Variants in ACOXL observed in about 807,000 individuals in gnomAD.
ACOXL encodes the protein acyl-CoA oxidase like, also known as acyl-coenzyme A oxidase-like protein.
In ACOXL, 70 loss-of-function variants were observed where a neutral mutation model predicts 71.9. The ratio of observed to expected loss-of-function variants is 0.97; its 90% CI spans 0.80 to 1.19. ACOXL has a LOEUF of 1.19. ACOXL is among the 50% of genes most tolerant of loss of function. The pLI is 0.00. For synonymous variants in ACOXL, 253 were observed against 281.6 expected, an observed-to-expected ratio of 0.90 and a Z score of 1.02; for missense variants, 703 against 736.3, an observed-to-expected ratio of 0.95 and a Z score of 0.52.
At chr2:110,982,248 C>T (rs549165409) in intron 12 of ACOXL, among the ~76,000 whole-genome samples, 4 of 152,226 alleles carry the variant, frequency 2.6e-5, no homozygotes, top group East Asian at 1.9e-4. Context: ...CTCCACCTCC[C>T]GGGTTCAAGT....
At chr2:111,039,698 C>T (rs1237045180) in intron 15 of ACOXL, among the ~76,000 whole-genome samples, 2 of 152,298 alleles carry the variant, frequency 1.3e-5, no homozygotes, top group Non-Finnish European at 1.5e-5. Flanking sequence ...CTCAGAAGTT[C>T]TCCCTTCATT....
At chr2:110,838,403 C>T (rs1465678288) in intron 9 of ACOXL, among the ~76,000 whole-genome samples, 3 of 152,170 alleles carry the variant, frequency 2.0e-5, no homozygotes, top group African/African-American at 4.8e-5. Context: ...TTGCTTAAAG[C>T]GTTTCTGAGT....
At chr2:111,056,990 C>A (rs1028592926) in intron 16 of ACOXL, among the ~76,000 whole-genome samples, 2 of 152,102 alleles carry the variant, frequency 1.3e-5, no homozygotes, top group Non-Finnish European at 2.9e-5. Context: ...CCTCAGGTAG[C>A]TCCTTGACAA....
chr2:110,892,835 A>T (rs2149156289), intron 10 of ACOXL, among the ~76,000 whole-genome samples: 1 of 152,326 alleles, frequency 6.6e-6, no homozygotes, highest in Non-Finnish European at 1.5e-5. Flanking sequence ...AGGAAGATCA[A>T]GGGAATTGTC....
At chr2:111,079,378 A>G (rs2067775994) in intron 16 of ACOXL, among the ~76,000 whole-genome samples, 1 of 152,110 alleles carries the variant, frequency 6.6e-6, no homozygotes, top group Admixed American at 6.5e-5. Flanking sequence ...TGTCTGTTCA[A>G]AGTCTTTTGT....
At chr2:111,074,976 C>A (rs2067525930) in intron 16 of ACOXL, among the ~76,000 whole-genome samples, 1 of 152,178 alleles carries the variant, frequency 6.6e-6, no homozygotes, top group Admixed American at 6.6e-5. Flanking sequence ...TATATTGCTG[C>A]ATTCCATTTG....
At chr2:110,961,996 A>G (rs910763673) in intron 12 of ACOXL, among the ~76,000 whole-genome samples, 8 of 152,252 alleles carry the variant, frequency 5.3e-5, no homozygotes, top group African/African-American at 1.9e-4. Context: ...GGGTGGGGAC[A>G]CAGAGCCAAA....
At chr2:110,976,468 G>A (rs1195546815) in intron 12 of ACOXL, among the ~76,000 whole-genome samples, 1 of 152,200 alleles carries the variant, frequency 6.6e-6, no homozygotes, top group Non-Finnish European at 1.5e-5. Context: ...CCAAATTATT[G>A]ATCAAGTATG....
intron 14 of ACOXL, among the ~76,000 whole-genome samples, chr2:110,997,195 C>T (rs939157912): frequency 3.9e-5 from 6 of 152,014 alleles, no homozygotes; most frequent in East Asian, 1.9e-4. Flanking sequence ...AAAGACAAAA[C>T]GATAAGAGAA....
intron 14 of ACOXL, among the ~76,000 whole-genome samples, chr2:111,015,376 G>A (rs955698723): frequency 1.3e-5 from 2 of 152,304 alleles, no homozygotes; most frequent in African/African-American, 4.8e-5. Flanking sequence ...TGCCTAATTT[G>A]TGTTAGTCAT....
chr2:110,894,001 C>T (rs1225087393), intron 10 of ACOXL, among the ~76,000 whole-genome samples: 2 of 152,088 alleles, frequency 1.3e-5, no homozygotes, highest in Non-Finnish European at 2.9e-5. Context: ...TTGTTTATCG[C>T]TCTTTATATG....
intron 10 of ACOXL, among the ~76,000 whole-genome samples, chr2:110,844,993 A>G (rs986680737): frequency 1.3e-5 from 2 of 152,164 alleles, no homozygotes; most frequent in East Asian, 1.9e-4. Flanking sequence ...TGAAACTTCT[A>G]TCCTTTAGTC....
intron 1 of ACOXL, chr2:110,733,023 C>T (rs1344618870): frequency 1.3e-5 from 2 of 152,624 alleles, no homozygotes; most frequent in Admixed American, 6.5e-5. Flanking sequence ...CTCCCTCCCC[C>T]ACGAAGAGTC....
chr2:111,090,998 G>A (rs1381050332), intron 16 of ACOXL, among the ~76,000 whole-genome samples: 1 of 152,158 alleles, frequency 6.6e-6, no homozygotes, highest in Non-Finnish European at 1.5e-5. Flanking sequence ...CTTGTTAGCT[G>A]AGAACAGCTA....
rs531947751 is a variant in ACOXL at position 110,873,373 on chromosome 2, C to T, written c.788+31968C>T. Among the ~76,000 whole-genome samples, 9 of 152,284 alleles carry T rather than the reference C, an allele frequency of 5.9e-5. No individual in the cohort carries two copies. In the East Asian group the frequency reaches 1.3e-3, roughly 23 times the overall value. ...CAGCTGGGGCCCAGTGTGGACTCAA[C>T]CTCAGCTCTAGGGAAGCAGTGTGTC... On this transcript the variant is annotated intron_variant, in intron 10 of 17. Coordinates refer to ENST00000439055, the MANE Select transcript of ACOXL (RefSeq NM_001142807.4).
rs370554925 is a variant in ACOXL at position 110,845,205 on chromosome 2, A to T, written c.788+3800A>T. Among the ~76,000 whole-genome samples the T allele has an allele frequency of 8.1e-4, 123 of 152,320 alleles. 1 individual carries two copies. The Middle Eastern group carries it at 0.017, about 21-fold the overall frequency. On this transcript the variant is annotated intron_variant, in intron 10 of 17. Coordinates refer to ENST00000439055, the MANE Select transcript of ACOXL (RefSeq NM_001142807.4). ...GGTGAGGGCCTGGTCTCTGCTTCCA[A>T]GATGGTGCCTTGTTGCTGCAGCCAT...
intron 12 of ACOXL, among the ~76,000 whole-genome samples, chr2:110,952,619 A>T (rs2061370483): frequency 6.6e-6 from 1 of 151,964 alleles, no homozygotes; most frequent in South Asian, 2.1e-4. Context: ...GCTAATTTTT[A>T]AAATTTTTGT....
intron 14 of ACOXL, among the ~76,000 whole-genome samples, chr2:111,019,970 C>T (rs2064670167): frequency 3.3e-5 from 5 of 152,200 alleles, no homozygotes; most frequent in Admixed American, 3.3e-4. Context: ...AAGCGATTCT[C>T]CTGCCTCAGC....
chr2:111,025,467 A>G (rs984889035), intron 14 of ACOXL, among the ~76,000 whole-genome samples: 1 of 152,208 alleles, frequency 6.6e-6, no homozygotes, highest in African/African-American at 2.4e-5. Flanking sequence ...TAGTTGCTCC[A>G]CATCCTCACC....
Sources: allele counts gnomAD v4.1 joint callset (sites outside exome capture counted in the v4.1 genomes callset), GRCh38; gene constraint gnomAD v4.1.1; transcripts MANE v1.5; gene names NCBI Gene and HGNC (gene_info 2026-07-23, HGNC 2026-07-21).